The following CLIP4 variants were observed in gnomAD, a reference collection of about 807,000 sequenced individuals.
CLIP4 encodes the protein CAP-Gly domain containing linker protein family member 4.
A neutral mutation model predicts 73.1 loss-of-function variants in CLIP4; 47 were observed. That is an observed-to-expected ratio of 0.64 (90% CI 0.51 to 0.82). The LOEUF is 0.82. CLIP4 is among the 40% of genes least tolerant of loss of function. The probability of loss-of-function intolerance (pLI) is 0.00; values close to 1 mark genes in which losing one functional copy is unlikely to be tolerated. For synonymous variants in CLIP4, 306 were observed against 295.4 expected (o/e 1.04, Z -0.37); for missense variants, 874 against 852.9 (o/e 1.02, Z -0.31).
Position 29,152,724 on chromosome 2 carries a change from G to A in CLIP4, c.1061G>A (p.Gly354Asp). 1 of 1,613,602 alleles carries A rather than the reference G, an allele frequency of 6.2e-7. No homozygotes were observed. Among genetic ancestry groups the A allele is most frequent in the Non-Finnish European group, 8.5e-7 (1 of 1,179,754 alleles). The change falls in exon 9 of 16, where the codon GGT becomes GAT. Residue 354 changes from glycine (G) to aspartate (D), a missense_variant. Physicochemically the swap from Gly to Asp is moderately conservative, Grantham distance 94 (BLOSUM62 -1). Transcript: ENST00000320081. ...CTTTCAAAGATAAGTAAAGCAAAAG[G>A]TCGAAGGAAGAATATAACACACACT... ...APLSKISKAK[G>D]RRKNITHTPS... is the part of the protein sequence containing the mutation.
chr2:29,125,764 C>T (rs564947490), intron 2 of CLIP4, among the ~76,000 whole-genome samples: 3 of 152,274 alleles, frequency 2.0e-5, no homozygotes, highest in Admixed American at 2.0e-4. Flanking sequence ...TTGTTCTTCC[C>T]TCTGGTGTTG....
intron 6 of CLIP4, among the ~76,000 whole-genome samples, 171 bp from the exon 7 acceptor site, chr2:29,143,537 TA>T (rs1245718240): frequency 6.6e-6 from 1 of 152,198 alleles, no homozygotes; most frequent in East Asian, 1.9e-4. Flanking sequence ...TTTTTCACTG[TA>T]GGATCTTTAG....
intron 14 of CLIP4, among the ~76,000 whole-genome samples, chr2:29,170,068 G>GC (rs1444977268): frequency 1.3e-5 from 2 of 152,134 alleles, no homozygotes; most frequent in East Asian, 3.8e-4. Context: ...CCATGTTGCT[G>GC]CAAGTGACAG....
chr2:29,146,238 C>A (rs1666156847), intron 8 of CLIP4, among the ~76,000 whole-genome samples: 1 of 152,118 alleles, frequency 6.6e-6, no homozygotes. Context: ...TGACCAGGGG[C>A]ACGCCCAGCT....
Position 29,144,075 on chromosome 2 carries a change from G to A in CLIP4, c.885+130G>A, listed in dbSNP as rs1203121778. 1.5e-5 allele frequency: 11 copies of A among 720,508 alleles called. No individual in the cohort carries two copies. In the East Asian group the frequency reaches 1.7e-4, roughly 11 times the overall value. 44.6% of individuals were successfully genotyped at this position (720,508 alleles called of 1,614,324 possible). A position where few individuals can be genotyped will look rare whatever the true frequency, so the allele number is the denominator to read the frequency against. On this transcript the variant is annotated intron_variant, in intron 7 of 15. Coordinates refer to ENST00000320081, the MANE Select transcript of CLIP4 (RefSeq NM_024692.6). The stretch of plus-strand genomic sequence containing the variant: ...CATGTAGGTAGAAAGATGCTTAATG[G>A]AAAATGTAAAACTTAGATATGAATT...
At chr2:29,142,868 A>T (rs1665870047) in intron 6 of CLIP4, among the ~76,000 whole-genome samples, 1 of 152,244 alleles carries the variant, frequency 6.6e-6, no homozygotes, top group Non-Finnish European at 1.5e-5. Context: ...AAGATGACAG[A>T]TAATTCATAT....
chr2:29,155,482 A>C (rs1247786814), intron 9 of CLIP4, among the ~76,000 whole-genome samples: 1 of 152,140 alleles, frequency 6.6e-6, no homozygotes, highest in East Asian at 1.9e-4. Flanking sequence ...CACTGCCAAC[A>C]TCCTGGTTGA....
intron 15 of CLIP4, among the ~76,000 whole-genome samples, chr2:29,177,967 T>C (rs961921390): frequency 2.0e-5 from 3 of 152,194 alleles, no homozygotes; most frequent in Non-Finnish European, 4.4e-5. Flanking sequence ...ACGTTAAGTG[T>C]TTACCCAACC....
chr2:29,101,090 G>A (rs865901768), intron 1 of CLIP4, among the ~76,000 whole-genome samples: 23 of 152,112 alleles, frequency 1.5e-4, no homozygotes, highest in Middle Eastern at 3.4e-3. Context: ...AGGAGTTTGA[G>A]ACCAGCATGG....
chr2:29,117,327 CTCT>C (rs1663926804), intron 1 of CLIP4, among the ~76,000 whole-genome samples: 2 of 151,348 alleles, frequency 1.3e-5, no homozygotes, highest in East Asian at 3.9e-4. Context: ...TTTTCTCTCT[CTCT>C]TTTTTTTGTT....
chr2:29,112,998 C>T (rs1412264746), upstream of CLIP4, among the ~76,000 whole-genome samples: 1 of 152,224 alleles, frequency 6.6e-6, no homozygotes, highest in Non-Finnish European at 1.5e-5. Context: ...CTCTATGCAG[C>T]CATTCTGGGT....
chr2:29,154,613 C>T (rs368650427), intron 9 of CLIP4, among the ~76,000 whole-genome samples: 112 of 152,220 alleles, frequency 7.4e-4, no homozygotes, highest in African/African-American at 2.6e-3. Flanking sequence ...GGAAGGGATG[C>T]CCAGGAGCAG....
chr2:29,106,701 A>G (rs1217289005), intron 1 of CLIP4, among the ~76,000 whole-genome samples: 2 of 152,148 alleles, frequency 1.3e-5, no homozygotes, highest in Non-Finnish European at 2.9e-5. Context: ...TCCAGCTTCC[A>G]TACTGCTTTT....
chr2:29,159,574 C>T (rs186408416), intron 11 of CLIP4, among the ~76,000 whole-genome samples: 1 of 151,390 alleles, frequency 6.6e-6, no homozygotes, highest in East Asian at 2.0e-4. Context: ...TGGCTGGTCA[C>T]AGTGGCTCAT....
At chr2:29,141,297 C>A (rs552985631) in intron 6 of CLIP4, among the ~76,000 whole-genome samples, 1 of 152,220 alleles carries the variant, frequency 6.6e-6, no homozygotes, top group African/African-American at 2.4e-5. Flanking sequence ...CATTTATATT[C>A]TGTGGTTGTT....
Position 29,183,774 on chromosome 2 carries a change from G to A in CLIP4, c.*1881G>A, listed in dbSNP as rs1668749808. The A allele has an allele frequency of 6.6e-6, 1 of 152,182 alleles. No homozygotes were observed. Among genetic ancestry groups the A allele is most frequent in the Non-Finnish European group, 1.5e-5 (1 of 68,030 alleles). 9.4% of individuals were successfully genotyped at this position (152,182 alleles called of 1,614,324 possible). On this transcript the variant is annotated 3_prime_UTR_variant, in exon 16 of 16. Transcript: ENST00000320081. ...ATGTCATTTAAAGTTCACTTCTTGA[G>A]CATCAATAAAAAGGGAAGCTGTGTG...
chr2:29,108,129 C>G (rs1668284269), intron 1 of CLIP4, among the ~76,000 whole-genome samples: 1 of 152,150 alleles, frequency 6.6e-6, no homozygotes, highest in Non-Finnish European at 1.5e-5. Flanking sequence ...ATGCCTGAAT[C>G]AAATCCTATA....
intron 9 of CLIP4, among the ~76,000 whole-genome samples, chr2:29,155,683 C>G (rs554214133): frequency 6.6e-6 from 1 of 152,160 alleles, no homozygotes; most frequent in Admixed American, 6.5e-5. Flanking sequence ...CCTCTCCACC[C>G]TCTTCATTCA....
intron 6 of CLIP4, among the ~76,000 whole-genome samples, chr2:29,141,624 A>G (rs1216726666): frequency 6.6e-6 from 1 of 152,108 alleles, no homozygotes. Context: ...TATGTTTAAT[A>G]GTGATCATCT....
Sources: allele counts gnomAD v4.1 joint callset (sites outside exome capture counted in the v4.1 genomes callset), GRCh38; gene constraint gnomAD v4.1.1; transcripts MANE v1.5; gene names NCBI Gene and HGNC (gene_info 2026-07-23, HGNC 2026-07-21).